Variants in CHD6 observed in about 807,000 individuals in gnomAD.
The protein encoded by CHD6 is chromodomain helicase DNA binding protein 6.
CHD6 carries 50 observed loss-of-function variants against 276.9 expected under a neutral mutation model. The ratio of observed to expected loss-of-function variants is 0.18; its 90% confidence interval spans 0.14 to 0.23. CHD6 has a LOEUF of 0.23. Ranked by LOEUF, CHD6 falls within the 10% of genes least tolerant of loss-of-function variation. CHD6 has a pLI of 1.00. For missense variants in CHD6, 2,564 were observed against 3,365.8 expected, an observed-to-expected ratio of 0.76 and a Z score of 5.89; for synonymous variants, 1,173 against 1,229.3, an observed-to-expected ratio of 0.95 and a Z score of 0.96.
chr20:41,607,683 A>G (rs1568731202), intron 1 of CHD6, among the ~76,000 whole-genome samples: 1 of 151,812 alleles, frequency 6.6e-6, no homozygotes, highest in African/African-American at 2.4e-5. Context: ...AGTCTCATGG[A>G]AGGAAAATAT....
At chr20:41,564,206 A>G in intron 1 of CHD6, 1 of 623,884 alleles carries the variant, frequency 1.6e-6, no homozygotes, top group East Asian at 2.8e-5. Flanking sequence ...TCTACAAAAT[A>G]GCTTAAACAT....
intron 2 of CHD6, 48 bp from the exon 3 acceptor site, chr20:41,533,618 C>T: frequency 2.0e-6 from 3 of 1,495,544 alleles, no homozygotes; most frequent in Non-Finnish European, 2.7e-6. Flanking sequence ...ATTCATGCTT[C>T]AGACAAAGAG....
rs147845582 is a variant in CHD6 at position 41,498,203 on chromosome 20, G to A, written c.939C>T (p.Phe313=). The A allele has an allele frequency of 1.1e-5, 18 of 1,611,352 alleles. No homozygotes were observed. Among genetic ancestry groups the A allele is most frequent in the Middle Eastern group, 1.7e-4 (1 of 6,050 alleles). ...VQEVHPGEPP[F]DLELFYVKYR... ...ACTTAACGTAGAACAGCTCCAAGTC[G>A]AACGGAGGTTCTCCTGGGTGAACCT... The change falls in exon 7 of 37, where the codon TTC becomes TTT. Residue 313 remains phenylalanine, a synonymous_variant. Transcript: ENST00000373233.
Position 41,403,805 on chromosome 20 carries a change from G to A in CHD6, c.*788C>T. 1 of 1,058,292 alleles carries A rather than the reference G, an allele frequency of 9.4e-7. No homozygotes were observed. The highest frequency in any genetic ancestry group is 1.1e-6 in the Non-Finnish European group (1 of 874,924). The allele number at this position is 1,058,292 out of a possible 1,614,324, so 65.6% of individuals were successfully genotyped here. A position where few individuals can be genotyped will look rare whatever the true frequency, so the allele number is the denominator to read the frequency against. On this transcript the variant is annotated 3_prime_UTR_variant, in exon 37 of 37. Coordinates refer to ENST00000373233, the MANE Select transcript of CHD6 (RefSeq NM_032221.5). ...TAGCCGTGTGCTTGTGAAGCAGCGT[G>A]TAGCTCTACGGAGCGCGGGTCCTTG... is the stretch of plus-strand genomic sequence containing the variant.
At chr20:41,569,374 C>A (rs1184827095) in intron 1 of CHD6, among the ~76,000 whole-genome samples, 3 of 152,244 alleles carry the variant, frequency 2.0e-5, no homozygotes, top group African/African-American at 7.2e-5. Flanking sequence ...CAGACTTGGT[C>A]ACCTACTTTA....
In CHD6 at chr20:41,443,337, G is replaced by T. The variant is rs116109351; in HGVS notation, c.3877+2328C>A. Among the ~76,000 whole-genome samples the T allele has an allele frequency of 1.7e-3, 262 of 152,328 alleles. 2 individuals carry two copies. The highest frequency in any genetic ancestry group is 6.0e-3 in the African/African-American group (248 of 41,576). ...ACCCTGAACAGTGATTAGGGATTAG[G>T]AAACTAGAAGGTAGGGCACCAATAA... On this transcript the variant is annotated intron_variant, in intron 25 of 36. Transcript: ENST00000373233.
chr20:41,404,020 A>G lies in CHD6; in HGVS notation c.*573T>C, dbSNP rs2046600179. 2.9e-6 allele frequency: 3 copies of G among 1,050,050 alleles called. No individual in the cohort carries two copies. The highest frequency in any genetic ancestry group is 3.3e-5 in the African/African-American group (2 of 60,408). The allele number at this position is 1,050,050 out of a possible 1,614,324, so 65.0% of individuals were successfully genotyped here. A position where few individuals can be genotyped will look rare whatever the true frequency, so the allele number is the denominator to read the frequency against. On this transcript the variant is annotated 3_prime_UTR_variant, in exon 37 of 37. Coordinates refer to ENST00000373233, the MANE Select transcript of CHD6 (RefSeq NM_032221.5). Reference sequence around the variant, plus strand: ...TACCGGTAAGGTTTTTGTTTTTTATAAAGAAATGAATATATGTATTTTCAA... The same window carrying G: ...TACCGGTAAGGTTTTTGTTTTTTATGAAGAAATGAATATATGTATTTTCAA...
At chr20:41,553,796 T>A (rs1165074462) in intron 1 of CHD6, among the ~76,000 whole-genome samples, 1 of 152,182 alleles carries the variant, frequency 6.6e-6, no homozygotes, top group Non-Finnish European at 1.5e-5. Context: ...TTCTAACAAT[T>A]TTGGTATTTC....
In CHD6 at chr20:41,452,018, G is replaced by A; in HGVS notation, c.3331C>T (p.Arg1111Trp). The A allele has an allele frequency of 6.2e-7, 1 of 1,613,636 alleles. No homozygotes were observed. The highest frequency in any genetic ancestry group is 8.5e-7 in the Non-Finnish European group (1 of 1,179,720). Residue 1111 changes from arginine (R) to tryptophan (W), a missense_variant, in exon 22 of 37, where the codon CGG (arginine) becomes TGG (tryptophan). Around this residue, in one of 7 missense-constraint regions of CHD6, gnomAD observed 515 missense variants for 739.5 expected, o/e 0.70. Transcript: ENST00000373233. The surrounding 1 kb of genome is among the most constrained non-coding windows in gnomAD (Gnocchi z 4.2). ...EKNLLIFGWGRWKDILTHGRF... is the reference protein window; with the variant it reads ...EKNLLIFGWGWWKDILTHGRF... Reference sequence around the variant, plus strand: ...CCATGAGTCAGGATGTCCTTCCACCGGCCCCAGCTGACAGTGGACATACAG... The same window carrying A: ...CCATGAGTCAGGATGTCCTTCCACCAGCCCCAGCTGACAGTGGACATACAG...
chr20:41,413,724 A>G (rs913081637), intron 34 of CHD6: 1 of 452,752 alleles, frequency 2.2e-6, no homozygotes, highest in Admixed American at 4.2e-5. Flanking sequence ...CCTTCACCTG[A>G]GCACTCCTCT....
At chr20:41,485,749 GGAAT>G (rs1262066194) in intron 14 of CHD6, 6 of 152,052 alleles carry the variant, frequency 3.9e-5, no homozygotes, top group Admixed American at 2.6e-4. Context: ...TTAGACAAGT[GGAAT>G]AAGTTCAAGA....
chr20:41,470,870 G>A (rs2043036835), intron 17 of CHD6, among the ~76,000 whole-genome samples: 1 of 152,250 alleles, frequency 6.6e-6, no homozygotes, highest in Non-Finnish European at 1.5e-5. Flanking sequence ...CTGGCCATGA[G>A]CTGTTGCCAG....
At chr20:41,435,228 TTTACAGCACTAAATGCA>T (rs1341476939) in intron 27 of CHD6, among the ~76,000 whole-genome samples, 5 of 151,788 alleles carry the variant, frequency 3.3e-5, no homozygotes, top group Non-Finnish European at 5.9e-5. Flanking sequence ...CCGAGGGAAA[TTTACAGCACTAAATGCA>T]TATATTAGAC....
At chr20:41,521,803 G>A (rs1393650162) in intron 3 of CHD6, among the ~76,000 whole-genome samples, 1 of 152,056 alleles carries the variant, frequency 6.6e-6, no homozygotes, top group African/African-American at 2.4e-5. Context: ...AAAGTAAGAG[G>A]GTGTTTAGAA....
intron 3 of CHD6, among the ~76,000 whole-genome samples, chr20:41,527,037 C>G (rs570453564): frequency 6.6e-6 from 1 of 152,306 alleles, no homozygotes; most frequent in Non-Finnish European, 1.5e-5. Flanking sequence ...AATTTCTTGA[C>G]TTGCAAGAAA....
At chr20:41,444,330 A>G (rs1444306534) in intron 25 of CHD6, among the ~76,000 whole-genome samples, 1 of 152,252 alleles carries the variant, frequency 6.6e-6, no homozygotes, top group Non-Finnish European at 1.5e-5. Context: ...TTAAAAGTAC[A>G]TAAAAATACA....
At chr20:41,537,862 T>C (rs1254351688) in intron 2 of CHD6, among the ~76,000 whole-genome samples, 2 of 147,772 alleles carry the variant, frequency 1.4e-5, no homozygotes, top group African/African-American at 5.1e-5. Context: ...GATCCAGCAA[T>C]TCCATCATAG....
chr20:41,434,283 G>A (rs1373134707), intron 27 of CHD6, among the ~76,000 whole-genome samples: 1 of 152,170 alleles, frequency 6.6e-6, no homozygotes, highest in East Asian at 1.9e-4. Flanking sequence ...ATCAGATAAA[G>A]TACCCTTCAG....
intron 1 of CHD6, among the ~76,000 whole-genome samples, chr20:41,576,888 C>A (rs767880865): frequency 6.6e-6 from 1 of 152,116 alleles, no homozygotes; most frequent in Non-Finnish European, 1.5e-5. Flanking sequence ...TCTTATCAGA[C>A]CAACACAAAA....
Sources: gnomAD v4.1 joint callset for allele counts (sites outside exome capture counted in the v4.1 genomes callset) on GRCh38, gnomAD v4.1.1 for gene constraint, gnomAD v4.1.1 regional missense constraint, Gnocchi (gnomAD v3.1) non-coding constraint, MANE v1.5 for transcripts, NCBI Gene and HGNC (gene_info 2026-07-23, HGNC 2026-07-21) for gene names.